The following INTS9 variants were observed in gnomAD, a reference collection of about 807,000 sequenced individuals.
INTS9 encodes the protein protein related to CPSF subunits of 74 kDa.
INTS9 carries 55 observed loss-of-function variants against 79.7 expected under a neutral mutation model. The ratio of observed to expected loss-of-function variants is 0.69; its 90% CI spans 0.56 to 0.86. The LOEUF (loss-of-function observed/expected upper bound fraction) is 0.86. Ranked by LOEUF, INTS9 falls within the 40% of genes least tolerant of loss-of-function variation. INTS9 has a pLI of 0.00. For missense variants in INTS9, 721 were observed against 831.5 expected (o/e 0.87, Z 1.64); for synonymous variants, 319 against 325.2 (o/e 0.98, Z 0.20).
intron 3 of INTS9, among the ~76,000 whole-genome samples, chr8:28,847,230 A>G (rs1032226896): frequency 6.6e-6 from 1 of 152,210 alleles, no homozygotes; most frequent in African/African-American, 2.4e-5. Context: ...AGGCCATGGA[A>G]TATGTATTTA....
intron 6 of INTS9, 106 bp from the exon 7 acceptor site, chr8:28,813,718 G>A: frequency 8.3e-7 from 1 of 1,211,218 alleles, no homozygotes. Flanking sequence ...TAATTTACTG[G>A]CATATAATTG....
At chr8:28,809,075 G>A (rs930657856) in intron 8 of INTS9, among the ~76,000 whole-genome samples, 3 of 151,648 alleles carry the variant, frequency 2.0e-5, no homozygotes, top group Non-Finnish European at 4.4e-5. Flanking sequence ...TCAGCCTCCC[G>A]AGTAGCTGGG....
intron 4 of INTS9, among the ~76,000 whole-genome samples, chr8:28,843,118 A>G (rs1026275429): frequency 3.9e-5 from 6 of 152,252 alleles, no homozygotes; most frequent in Admixed American, 1.3e-4. Context: ...CAAAGCATCA[A>G]TGGAATCCTG....
chr8:28,852,156 C>G (rs986363580), intron 2 of INTS9, among the ~76,000 whole-genome samples: 1 of 152,060 alleles, frequency 6.6e-6, no homozygotes, highest in Non-Finnish European at 1.5e-5. Flanking sequence ...GAGGTCAAGG[C>G]TGCAGGGAGC....
chr8:28,789,726 A>G (rs967209091), intron 10 of INTS9, among the ~76,000 whole-genome samples: 1 of 152,136 alleles, frequency 6.6e-6, no homozygotes, highest in African/African-American at 2.4e-5. Context: ...TGTCTGTACA[A>G]AAATTAGCTG....
intron 11 of INTS9, 105 bp downstream of exon 11, chr8:28,787,723 AC>A: frequency 1.4e-6 from 1 of 696,176 alleles, no homozygotes; most frequent in Non-Finnish European, 2.5e-6. Flanking sequence ...AAAGGGGTCT[AC>A]AGGTTTACAC....
chr8:28,806,373 A>T (rs1328674195), intron 8 of INTS9, among the ~76,000 whole-genome samples: 1 of 152,260 alleles, frequency 6.6e-6, no homozygotes, highest in Non-Finnish European at 1.5e-5. Flanking sequence ...AAACACAATG[A>T]TCATGAATAT....
At chr8:28,848,424 C>T (rs1392705813) in intron 3 of INTS9, among the ~76,000 whole-genome samples, 1 of 152,126 alleles carries the variant, frequency 6.6e-6, no homozygotes, top group East Asian at 1.9e-4. Context: ...CATATCAGAA[C>T]CTTGATAGAC....
chr8:28,848,026 A>G (rs1807624758), intron 3 of INTS9, among the ~76,000 whole-genome samples: 1 of 152,232 alleles, frequency 6.6e-6, no homozygotes, highest in Non-Finnish European at 1.5e-5. Flanking sequence ...GTGAAACAGC[A>G]AAGTCTGAGA....
intron 8 of INTS9, among the ~76,000 whole-genome samples, chr8:28,806,778 G>A (rs1020488344): frequency 6.6e-6 from 1 of 152,114 alleles, no homozygotes; most frequent in African/African-American, 2.4e-5. Flanking sequence ...ATAACCTTTG[G>A]TTATTTAAAT....
intron 2 of INTS9, among the ~76,000 whole-genome samples, chr8:28,855,790 A>G (rs759149712): frequency 2.6e-5 from 4 of 152,230 alleles, no homozygotes; most frequent in Admixed American, 6.5e-5. Context: ...CTATCAATGT[A>G]AATTCTCTGA....
At chr8:28,852,632 C>T (rs1807907176) in intron 2 of INTS9, among the ~76,000 whole-genome samples, 1 of 152,188 alleles carries the variant, frequency 6.6e-6, no homozygotes. Context: ...ACACTCTGTC[C>T]GTTCCCCATC....
chr8:28,870,349 CTTTTTTT>C (rs10580665), intron 1 of INTS9, among the ~76,000 whole-genome samples: 1 of 80,574 alleles, frequency 1.2e-5, no homozygotes, highest in Non-Finnish European at 2.2e-5. Context: ...CAGAAAAAAG[CTTTTTTT>C]TTTTTTTTTT....
chr8:28,846,696 G>C, intron 4 of INTS9, 51 bp downstream of exon 4: 1 of 1,301,954 alleles, frequency 7.7e-7, no homozygotes, highest in Non-Finnish European at 1.1e-6. Context: ...TTCATTTTGA[G>C]CAATTACATA....
chr8:28,821,587 C>T (rs1218623131), intron 6 of INTS9, among the ~76,000 whole-genome samples: 4 of 152,164 alleles, frequency 2.6e-5, no homozygotes, highest in South Asian at 2.1e-4. Flanking sequence ...ACCACCACCA[C>T]CACCCAGTGG....
At chr8:28,884,168 C>CTTTTTTTTTTTTTTTTTTTTTTTTTT (rs35799882) in intron 1 of INTS9, among the ~76,000 whole-genome samples, 1 of 46,946 alleles carries the variant, frequency 2.1e-5, no homozygotes. Flanking sequence ...ATCAGTGTAT[C>CTTTTTTTTTTTTTTTTTTTTTTTTTT]TTTTTTTTTT....
rs1451782683 is a variant in INTS9 at position 28,780,717 on chromosome 8, T to C, written c.1270+106A>G. ...TACCTACAGTAGAACAATGTTTGTA[T>C]TTATGTCTCACTGCAAAATCCTTCC... On this transcript the variant is annotated intron_variant, in intron 12 of 16. Coordinates refer to ENST00000521022, the MANE Select transcript of INTS9 (RefSeq NM_018250.4). 5 of 1,520,092 alleles carry C rather than the reference T, an allele frequency of 3.3e-6. No individual in the cohort carries two copies. In the Admixed American group the frequency reaches 1.0e-4, roughly 31 times the overall value. 94.2% of individuals were successfully genotyped at this position (1,520,092 alleles called of 1,614,324 possible). A position where few individuals can be genotyped will look rare whatever the true frequency, so the allele number is the denominator to read the frequency against.
chr8:28,866,054 T>A (rs1003732466), intron 1 of INTS9, among the ~76,000 whole-genome samples: 6 of 152,196 alleles, frequency 3.9e-5, no homozygotes, highest in African/African-American at 1.4e-4. Flanking sequence ...AGCCAATGGG[T>A]TAAATACTGA....
chr8:28,820,682 T>TTATGAACA (rs1805779713), intron 6 of INTS9, among the ~76,000 whole-genome samples: 1 of 152,158 alleles, frequency 6.6e-6, no homozygotes, highest in African/African-American at 2.4e-5. Context: ...AGATAAACAA[T>TTATGAACA]TATGAACATG....
Sources: allele counts gnomAD v4.1 joint callset (sites outside exome capture counted in the v4.1 genomes callset), GRCh38; gene constraint gnomAD v4.1.1; transcripts MANE v1.5; gene names NCBI Gene and HGNC (gene_info 2026-07-23, HGNC 2026-07-21).